EYS: variants seen among roughly 807,000 people sequenced by gnomAD.
EYS encodes EGF-like photoreceptor maintenance factor.
A neutral mutation model predicts 282.1 loss-of-function variants in EYS; 250 were observed. The ratio of observed to expected loss-of-function variants is 0.89; its 90% CI spans 0.80 to 0.98. The LOEUF (loss-of-function observed/expected upper bound fraction) is 0.98, where lower values mean the gene tolerates loss of function less well. Ranked by LOEUF, EYS falls within the 50% of genes least tolerant of loss-of-function variation. EYS has a pLI of 0.00. For synonymous variants in EYS, 1,355 were observed against 1,282.9 expected, an observed-to-expected ratio of 1.06 and a Z score of -1.20; for missense variants, 4,016 against 3,709.0, an observed-to-expected ratio of 1.08 and a Z score of -2.15.
At chr6:64,374,209 G>A (rs1205378751) in intron 29 of EYS, among the ~76,000 whole-genome samples, 2 of 144,704 alleles carry the variant, frequency 1.4e-5, no homozygotes, top group African/African-American at 2.6e-5. Context: ...AGGTGTGGGG[G>A]GTGGGGGATG....
At chr6:63,839,909 G>A (rs1446430019) in intron 36 of EYS, among the ~76,000 whole-genome samples, 1 of 152,094 alleles carries the variant, frequency 6.6e-6, no homozygotes, top group African/African-American at 2.4e-5. Flanking sequence ...CATTTTAACT[G>A]GGGTAAGATG....
rs1003581189 is a variant in EYS at position 65,075,508 on chromosome 6, AAAGG to A, written c.2024-17785_2024-17782del. Reference sequence around the variant, plus strand: ...GTTTTAGAATTACTAAAAGCTTTTTAAAGGAAGAGCCAGAAACGTTAATAATCTG... The same window carrying A: ...GTTTTAGAATTACTAAAAGCTTTTTAAAGAGCCAGAAACGTTAATAATCTG... On this transcript the variant is annotated intron_variant, in intron 12 of 42. Transcript: ENST00000503581. Among the ~76,000 whole-genome samples the A allele has an allele frequency of 4.7e-4, 71 of 152,010 alleles. 2 individuals are homozygous for A. Among genetic ancestry groups the A allele is most frequent in the Non-Finnish European group, 1.0e-4 (7 of 67,940 alleles).
At chr6:65,520,296 A>G (rs958524453) in intron 2 of EYS, among the ~76,000 whole-genome samples, 2 of 152,110 alleles carry the variant, frequency 1.3e-5, no homozygotes, top group Non-Finnish European at 2.9e-5. Context: ...AAGAAACTCA[A>G]TTTGATTTCC....
At chr6:65,494,570 C>A in intron 4 of EYS, 93 bp downstream of exon 4, 1 of 1,218,176 alleles carries the variant, frequency 8.2e-7, no homozygotes. Context: ...TGTGAGCCAC[C>A]GCATTTAAAA....
At chr6:64,599,498 C>A (rs1185342276) in intron 24 of EYS, among the ~76,000 whole-genome samples, 2 of 152,056 alleles carry the variant, frequency 1.3e-5, no homozygotes, top group Non-Finnish European at 2.9e-5. Flanking sequence ...AGAAGACAAG[C>A]AAATTTACTA....
chr6:65,085,205 C>A (rs538495681), intron 12 of EYS, among the ~76,000 whole-genome samples: 143 of 152,188 alleles, frequency 9.4e-4, no homozygotes, highest in African/African-American at 3.1e-3. Context: ...ACATCTCAAA[C>A]CTTTAATATT....
At chr6:64,224,822 C>T (rs1403801130) in intron 31 of EYS, among the ~76,000 whole-genome samples, 1 of 143,916 alleles carries the variant, frequency 6.9e-6, no homozygotes, top group Non-Finnish European at 1.5e-5. Context: ...GCTATGAATG[C>T]CTTTTGTGAA....
intron 31 of EYS, among the ~76,000 whole-genome samples, chr6:64,197,423 T>A (rs1274977200): frequency 6.6e-6 from 1 of 152,170 alleles, no homozygotes; most frequent in Non-Finnish European, 1.5e-5. Context: ...TTCCCAACAG[T>A]TTGAGAAGCT....
At chr6:65,138,887 T>C (rs1776098039) in intron 12 of EYS, among the ~76,000 whole-genome samples, 3 of 152,042 alleles carry the variant, frequency 2.0e-5, no homozygotes, top group Admixed American at 1.3e-4. Flanking sequence ...CACAATGAGA[T>C]ACCATTTCAC....
intron 8 of EYS, among the ~76,000 whole-genome samples, chr6:65,355,389 T>C (rs1259491331): frequency 1.8e-5 from 2 of 109,672 alleles, no homozygotes; most frequent in African/African-American, 7.0e-5. Context: ...TTTCAGAATA[T>C]CCTCTTCTGG....
intron 40 of EYS, among the ~76,000 whole-genome samples, chr6:63,769,625 A>G (rs1769882614): frequency 6.6e-6 from 1 of 152,142 alleles, no homozygotes. Flanking sequence ...TCATGATAGT[A>G]AATCAAGAGA....
intron 29 of EYS, among the ~76,000 whole-genome samples, chr6:64,381,311 G>C (rs1215904117): frequency 2.0e-5 from 3 of 152,052 alleles, no homozygotes; most frequent in Non-Finnish European, 2.9e-5. Flanking sequence ...GGTTATCCCT[G>C]TACTGATTTC....
At chr6:63,974,746 G>T (rs1766750897) in intron 35 of EYS, among the ~76,000 whole-genome samples, 1 of 151,902 alleles carries the variant, frequency 6.6e-6, no homozygotes, top group South Asian at 2.1e-4. Context: ...AATCTTATTT[G>T]TTCTTATTAA....
Position 64,590,777 on chromosome 6 carries a change from T to C in EYS, c.5090A>G (p.Asn1697Ser), listed in dbSNP as rs761256063. ...TCTTATTTTCAATAGTTTTAAAATG[T>C]TTTCTGATACTGACAGTTCATCAGT... The part of the protein sequence containing the change: ...MTTDELSVSE[N>S]ILKLLKIRQY... Residue 1697 changes from asparagine to serine, a missense_variant, in exon 26 of 43, where the codon AAC becomes AGC. By Grantham distance (46) the Asn-to-Ser change is conservative. Transcript: ENST00000503581. 6.4e-7 allele frequency: 1 copy of C among 1,550,472 alleles called. No individual in the cohort carries two copies. Among genetic ancestry groups the C allele is most frequent in the Non-Finnish European group, 8.7e-7 (1 of 1,146,126 alleles).
intron 23 of EYS, among the ~76,000 whole-genome samples, chr6:64,619,325 T>C (rs1767372756): frequency 6.6e-6 from 1 of 152,114 alleles, no homozygotes; most frequent in Non-Finnish European, 1.5e-5. Flanking sequence ...ATGGGAAGTG[T>C]AAAAGAAAAA....
chr6:64,222,657 G>C (rs1766137136), intron 31 of EYS, among the ~76,000 whole-genome samples: 1 of 151,908 alleles, frequency 6.6e-6, no homozygotes, highest in South Asian at 2.1e-4. Context: ...AAATGACATT[G>C]AGATTCTCAA....
intron 12 of EYS, 72 bp from the exon 13 acceptor site, chr6:65,057,799 T>G: frequency 9.5e-7 from 1 of 1,052,994 alleles, no homozygotes; most frequent in Non-Finnish European, 1.4e-6. Flanking sequence ...ATTCTTAAAT[T>G]TGCACAAGCC....
chr6:65,546,268 C>A (rs1433519755), intron 2 of EYS, among the ~76,000 whole-genome samples: 1 of 147,832 alleles, frequency 6.8e-6, no homozygotes, highest in Non-Finnish European at 1.5e-5. Context: ...CTCAAGCTAT[C>A]TGCTTACCTC....
intron 26 of EYS, among the ~76,000 whole-genome samples, chr6:64,578,621 G>GTGT (rs1554182459): frequency 6.9e-6 from 1 of 145,308 alleles, no homozygotes; most frequent in Non-Finnish European, 1.5e-5. Context: ...GTGTGTGTGT[G>GTGT]GTGTGTGTGT....
Sources: gnomAD v4.1 joint callset for allele counts (sites outside exome capture counted in the v4.1 genomes callset) on GRCh38, gnomAD v4.1.1 for gene constraint, MANE v1.5 for transcripts, NCBI Gene and HGNC (gene_info 2026-07-23, HGNC 2026-07-21) for gene names.